Variants in BAHCC1 observed in about 807,000 individuals in gnomAD.
BAHCC1 encodes the protein BAH domain and coiled-coil containing 1, also known as BAH and coiled-coil domain-containing protein 1.
BAHCC1 carries 43 observed loss-of-function variants against 88.2 expected under a neutral mutation model. That is an observed-to-expected ratio of 0.49 (90% CI 0.38 to 0.63). BAHCC1 has a LOEUF of 0.63. Ranked by LOEUF, BAHCC1 falls within the 20% of genes least tolerant of loss-of-function variation. The pLI is 0.00. For missense variants in BAHCC1, 3,023 were observed against 1,654.8 expected (o/e 1.83, Z -14.34); for synonymous variants, 1,510 against 745.5 (o/e 2.03, Z -16.71).
At chr17:81,428,181 G>A (rs912943985) in intron 3 of BAHCC1, among the ~76,000 whole-genome samples, 1 of 152,170 alleles carries the variant, frequency 6.6e-6, no homozygotes, top group Non-Finnish European at 1.5e-5. Flanking sequence ...TGCACTACTA[G>A]CGGCCTCCTG....
intron 2 of BAHCC1, among the ~76,000 whole-genome samples, chr17:81,421,227 C>A (rs545265153): frequency 6.6e-6 from 1 of 152,338 alleles, no homozygotes; most frequent in Non-Finnish European, 1.5e-5. Context: ...GCCCTCAGCC[C>A]GGTTCCCGGC....
intron 2 of BAHCC1, chr17:81,415,429 C>G: frequency 2.5e-6 from 1 of 407,732 alleles, no homozygotes; most frequent in South Asian, 1.8e-5. Flanking sequence ...GGGCATACGT[C>G]CCCCTGGAAG....
chr17:81,418,813 G>GTGTGTGTGTGTGTA (rs2064075228), intron 2 of BAHCC1, among the ~76,000 whole-genome samples: 2 of 140,274 alleles, frequency 1.4e-5, no homozygotes, highest in Non-Finnish European at 3.1e-5. Flanking sequence ...GTGTGTACGT[G>GTGTGTGTGTGTGTA]TGTGTGTGTG....
rs376803891 is a variant in BAHCC1, at chr17:81,445,129, G to A, written c.2786G>A (p.Arg929Gln). ...GTGTACTCGAGGCCGCAGCTCCTCC[G>A]GCAGCAGGAGCTCTATGCTTTGCAG... ...LPVYSRPQLL[R>Q]QQELYALQQQ... Residue 929 changes from arginine to glutamine, a missense_variant, in exon 9 of 28, where the codon CGG (arginine) becomes CAG (glutamine). Transcript: ENST00000675386. 8.0e-5 allele frequency: 62 copies of A among 773,716 alleles called. No homozygotes were observed. The highest frequency in any genetic ancestry group is 5.3e-4 in the African/African-American group (31 of 59,000). The allele number at this position is 773,716 out of a possible 1,614,324, so 47.9% of individuals were successfully genotyped here. A position where few individuals can be genotyped will look rare whatever the true frequency, so the allele number is the denominator to read the frequency against.
chr17:81,420,714 C>A lies in BAHCC1; in HGVS notation c.179-6086C>A, dbSNP rs1369910574. On this transcript the variant is annotated intron_variant, in intron 2 of 27. Coordinates refer to ENST00000675386, the MANE Select transcript of BAHCC1 (RefSeq NM_001377448.1). ...CTAGAGCTGCAAACCCGGCCTGGGC[C>A]GGCTGGGCAGTGGGGGCAGCCAACT... is the stretch of plus-strand genomic sequence containing the variant. Among the ~76,000 whole-genome samples, 4 of 152,272 alleles carry A rather than the reference C, an allele frequency of 2.6e-5. No homozygotes were observed. In the South Asian group the frequency reaches 8.3e-4, roughly 31 times the overall value.
intron 1 of BAHCC1, chr17:81,395,836 T>C (rs1473219736): frequency 6.6e-6 from 1 of 152,034 alleles, no homozygotes; most frequent in Non-Finnish European, 1.5e-5. Flanking sequence ...ATATGGACTA[T>C]GAGCGATTTT....
chr17:81,454,867 C>T (rs116986379), intron 14 of BAHCC1, among the ~76,000 whole-genome samples: 2,247 of 152,284 alleles, frequency 0.015, 22 homozygotes, highest in Non-Finnish European at 0.023. Flanking sequence ...GAGCCCTCAC[C>T]GGCCCCAGCC....
intron 15 of BAHCC1, 88 bp downstream of exon 15, chr17:81,455,478 G>T (rs952453098): frequency 6.8e-5 from 45 of 661,426 alleles, no homozygotes; most frequent in Middle Eastern, 5.5e-4. Flanking sequence ...CCCCAGCCCT[G>T]TGCCGAAACC....
intron 6 of BAHCC1, 127 bp downstream of exon 6, chr17:81,444,044 TGGGGTTCTCCCC>T: frequency 1.6e-6 from 1 of 639,244 alleles, no homozygotes; most frequent in Non-Finnish European, 2.8e-6. Flanking sequence ...CGGCCGTGGG[TGGGGTTCTCCCC>T]ACCCCTAGAG....
intron 11 of BAHCC1, among the ~76,000 whole-genome samples, chr17:81,449,862 G>A (rs1352232961): frequency 1.3e-5 from 2 of 152,092 alleles, no homozygotes; most frequent in Non-Finnish European, 2.9e-5. Context: ...CCTTGGTCTG[G>A]GCTTGTGGCC....
Position 81,442,476 on chromosome 17 carries a change from T to C in BAHCC1, c.1127T>C (p.Leu376Pro). The change falls in exon 5 of 28, where the codon CTC (leucine) becomes CCC (proline). Residue 376 changes from leucine to proline, a missense_variant. Transcript: ENST00000675386. Reference sequence around the variant, plus strand: ...CAGCTGCACGGGGGCCCTGACGGGCTCTGCCCGCTGCAGGACAAAGCCCCC... The same window carrying C: ...CAGCTGCACGGGGGCCCTGACGGGCCCTGCCCGCTGCAGGACAAAGCCCCC... The part of the protein sequence containing the change: ...CLQLHGGPDG[L>P]CPLQDKAPRD... 1 of 722,968 alleles carries C rather than the reference T, an allele frequency of 1.4e-6. No homozygotes were observed. The highest frequency in any genetic ancestry group is 2.6e-6 in the Non-Finnish European group (1 of 389,988). The allele number at this position is 722,968 out of a possible 1,614,324, so 44.8% of individuals were successfully genotyped here.
intron 10 of BAHCC1, 59 bp downstream of exon 10, chr17:81,445,740 C>A: frequency 1.4e-6 from 1 of 693,116 alleles, no homozygotes; most frequent in East Asian, 2.7e-5. Context: ...CCCACCCCTG[C>A]CCGGCAGGGC....
chr17:81,444,205 G>A (rs1413199724), intron 6 of BAHCC1, 176 bp from the exon 7 acceptor site: 13 of 607,178 alleles, frequency 2.1e-5, no homozygotes, highest in Non-Finnish European at 5.9e-6. Flanking sequence ...TTTTCCCTGA[G>A]CCTCCAGGTC....
rs371233060 is a variant in BAHCC1 at position 81,443,025 on chromosome 17, G to C, written c.1676G>C (p.Gly559Ala). Reference sequence around the variant, plus strand: ...ATGGCCGCCGAGGTGGAGCAGGGGGGCATTGGGGCTGAGGCCAAGCGCAAG... The same window carrying C: ...ATGGCCGCCGAGGTGGAGCAGGGGGCCATTGGGGCTGAGGCCAAGCGCAAG... ...HLMAAEVEQGGIGAEAKRKSL... is the reference protein window; with the variant it reads ...HLMAAEVEQGAIGAEAKRKSL... Residue 559 changes from glycine (G) to alanine (A), a missense_variant, in exon 5 of 28, where the codon GGC becomes GCC. Gly to Ala is a moderately conservative substitution (Grantham distance 60). Coordinates refer to ENST00000675386, the MANE Select transcript of BAHCC1 (RefSeq NM_001377448.1). The C allele has an allele frequency of 5.1e-6, 4 of 778,272 alleles. No homozygotes were observed. Among genetic ancestry groups the C allele is most frequent in the African/African-American group, 1.7e-5 (1 of 59,166 alleles). 48.2% of individuals were successfully genotyped at this position (778,272 alleles called of 1,614,324 possible). A position where few individuals can be genotyped will look rare whatever the true frequency, so the allele number is the denominator to read the frequency against.
At position 81,452,709 on chromosome 17, in the gene BAHCC1, C is replaced by G. The variant is rs202045641; in HGVS notation, c.4317-14C>G. Reference sequence around the variant, plus strand: ...TGTGCATGAGCCTCTGACCATCCCCCCTGCGGCCCCCAGGAGAGACGAGAG... The same window carrying G: ...TGTGCATGAGCCTCTGACCATCCCCGCTGCGGCCCCCAGGAGAGACGAGAG... On this transcript the variant is annotated splice_polypyrimidine_tract_variant and intron_variant, in intron 13 of 27. Coordinates refer to ENST00000675386, the MANE Select transcript of BAHCC1 (RefSeq NM_001377448.1). The G allele has an allele frequency of 1.3e-5, 10 of 743,368 alleles. No individual in the cohort carries two copies. The highest frequency in any genetic ancestry group is 2.7e-5 in the East Asian group (1 of 37,230). 46.0% of individuals were successfully genotyped at this position (743,368 alleles called of 1,614,324 possible). A position where few individuals can be genotyped will look rare whatever the true frequency, so the allele number is the denominator to read the frequency against.
Position 81,442,671 on chromosome 17 carries a change from A to T in BAHCC1, c.1322A>T (p.Tyr441Phe). The change falls in exon 5 of 28, where the codon TAT becomes TTT. Residue 441 changes from tyrosine to phenylalanine, a missense_variant. Transcript: ENST00000675386. ...CACGCTGCACCCTATGGAGTCTCCT[A>T]TGCCCACCTGAAGGCCGAGGGCAAG... ...PDHAAPYGVS[Y>F]AHLKAEGKGE... 3 of 774,664 alleles carry T rather than the reference A, an allele frequency of 3.9e-6. No individual in the cohort carries two copies. Among genetic ancestry groups the T allele is most frequent in the Non-Finnish European group, 4.8e-6 (2 of 415,884 alleles). The allele number at this position is 774,664 out of a possible 1,614,324, so 48.0% of individuals were successfully genotyped here.
intron 13 of BAHCC1, 75 bp from the exon 14 acceptor site, chr17:81,452,648 A>G: frequency 3.2e-6 from 2 of 625,844 alleles, no homozygotes; most frequent in Non-Finnish European, 5.7e-6. Context: ...CTCGAAGGCC[A>G]ATGCCCTCGG....
intron 14 of BAHCC1, among the ~76,000 whole-genome samples, chr17:81,454,345 G>C (rs2064703618): frequency 6.6e-6 from 1 of 152,188 alleles, no homozygotes; most frequent in Non-Finnish European, 1.5e-5. Context: ...CTGGGGGACA[G>C]CACAGCTCTG....
At chr17:81,454,225 A>G (rs1333469930) in intron 14 of BAHCC1, among the ~76,000 whole-genome samples, 1 of 152,234 alleles carries the variant, frequency 6.6e-6, no homozygotes, top group Non-Finnish European at 1.5e-5. Flanking sequence ...CACCCACACA[A>G]GAGGGGGAGC....
Sources: gnomAD v4.1 joint callset for allele counts (sites outside exome capture counted in the v4.1 genomes callset) on GRCh38, gnomAD v4.1.1 for gene constraint, MANE v1.5 for transcripts, NCBI Gene and HGNC (gene_info 2026-07-23, HGNC 2026-07-21) for gene names.